Variants in KIRREL3 observed in about 807,000 individuals in gnomAD.
KIRREL3 encodes the protein kirre like nephrin family adhesion molecule 3, also known as kin of IRRE-like protein 3.
KIRREL3 carries 36 observed loss-of-function variants against 89.7 expected under a neutral mutation model. The ratio of observed to expected loss-of-function variants is 0.40; its 90% CI spans 0.31 to 0.53. The LOEUF (loss-of-function observed/expected upper bound fraction) is 0.53, where lower values mean the gene tolerates loss of function less well. Among genes scored for constraint, KIRREL3 ranks in the 20% least tolerant of loss-of-function variants. The pLI is 0.49. For synonymous variants in KIRREL3, 445 were observed against 441.4 expected, an observed-to-expected ratio of 1.01 and a Z score of -0.10; for missense variants, 864 against 1,056.6, an observed-to-expected ratio of 0.82 and a Z score of 2.53.
In KIRREL3 at chr11:126,455,943, G is replaced by T. The variant is rs1189448006; in HGVS notation, c.848+406C>A. 6.6e-6 allele frequency among the ~76,000 whole-genome samples: 1 copy of T among 151,586 alleles called. No individual in the cohort carries two copies. The highest frequency in any genetic ancestry group is 1.5e-5 in the Non-Finnish European group (1 of 67,952). ...GACTGGGCCGGGGCCCAGACATCCT[G>T]ATCTACCCAGGTGAACCAGTTTGAT... On this transcript the variant is annotated intron_variant, in intron 7 of 16. Coordinates refer to ENST00000525144, the MANE Select transcript of KIRREL3 (RefSeq NM_032531.4). The surrounding 1 kb of genome is among the most constrained non-coding windows in gnomAD (Gnocchi z 6.4).
Position 126,477,205 on chromosome 11 carries a change from ATC to A in KIRREL3, c.434-3741_434-3740del, listed in dbSNP as rs1284209191. ...GGGGCATTGATTATGAAAGAAACAC[ATC>A]ATCGCGGGATGCTGAGCTCTTTACA... On this transcript the variant is annotated intron_variant, in intron 4 of 16. Transcript: ENST00000525144. This position sits in a 1 kb window ranked among gnomAD's most constrained non-coding sequence, Gnocchi z 4.8. 6.6e-6 allele frequency among the ~76,000 whole-genome samples: 1 copy of A among 152,206 alleles called. No individual in the cohort carries two copies. The highest frequency in any genetic ancestry group is 2.4e-5 in the African/African-American group (1 of 41,446).
intron 4 of KIRREL3, among the ~76,000 whole-genome samples, chr11:126,503,917 G>A (rs1957942324): frequency 1.3e-5 from 2 of 151,684 alleles, no homozygotes; most frequent in Admixed American, 6.6e-5. Context: ...AAACTTCCAG[G>A]CTCCAGACAC....
chr11:126,766,265 A>G lies in KIRREL3; in HGVS notation c.56-203353T>C, dbSNP rs925616967. Among the ~76,000 whole-genome samples the G allele has an allele frequency of 6.6e-6, 1 of 151,986 alleles. No homozygotes were observed. The highest frequency in any genetic ancestry group is 1.5e-5 in the Non-Finnish European group (1 of 68,012). On this transcript the variant is annotated intron_variant, in intron 1 of 16. Coordinates refer to ENST00000525144, the MANE Select transcript of KIRREL3 (RefSeq NM_032531.4). This position sits in a 1 kb window ranked among gnomAD's most constrained non-coding sequence, Gnocchi z 4.2. ...ACAGTAGGAGCCCATAACAGACAGC[A>G]TGTCATCCATTCCTGACAGCCTTGG...
intron 1 of KIRREL3, among the ~76,000 whole-genome samples, chr11:126,818,315 A>C (rs1951650567): frequency 6.6e-6 from 1 of 152,150 alleles, no homozygotes; most frequent in Non-Finnish European, 1.5e-5. Context: ...AGAGTGAAGA[A>C]AGTAAGTGAT....
In KIRREL3 at chr11:126,562,994, A is replaced by G; in HGVS notation, c.56-82T>C. 1.1e-6 allele frequency: 1 copy of G among 934,542 alleles called. No homozygotes were observed. Among genetic ancestry groups the G allele is most frequent in the Non-Finnish European group, 1.7e-6 (1 of 596,666 alleles). The allele number at this position is 934,542 out of a possible 1,614,324, so 57.9% of individuals were successfully genotyped here. On this transcript the variant is annotated intron_variant, in intron 1 of 16. Transcript: ENST00000525144. This position sits in a 1 kb window ranked among gnomAD's most constrained non-coding sequence, Gnocchi z 4.7. ...GGGGGCCCTCTGCAGGGGGCTGTGGAGCTTGTTGCTCTTATAAACAGAGGT... is the reference window on the plus strand; with the variant it reads ...GGGGGCCCTCTGCAGGGGGCTGTGGGGCTTGTTGCTCTTATAAACAGAGGT...
At chr11:126,957,160 G>T (rs1037126317) in intron 1 of KIRREL3, among the ~76,000 whole-genome samples, 3 of 152,096 alleles carry the variant, frequency 2.0e-5, no homozygotes, top group Admixed American at 6.6e-5. Context: ...ATGAAAGCTG[G>T]CCTTCCAACT....
At position 126,766,121 on chromosome 11, in the gene KIRREL3, C is replaced by A. The variant is rs550153654; in HGVS notation, c.56-203209G>T. On this transcript the variant is annotated intron_variant, in intron 1 of 16. Coordinates refer to ENST00000525144, the MANE Select transcript of KIRREL3 (RefSeq NM_032531.4). The surrounding 1 kb of genome is among the most constrained non-coding windows in gnomAD (Gnocchi z 4.2). ...GATGGTATCTAGTATCGTTTCATCG[C>A]TAATGTTGTGAGTGAGCTAGAACAA... Among the ~76,000 whole-genome samples the A allele has an allele frequency of 3.3e-5, 5 of 152,016 alleles. No individual in the cohort carries two copies. The highest frequency in any genetic ancestry group is 1.2e-4 in the African/African-American group (5 of 41,466).
intron 1 of KIRREL3, among the ~76,000 whole-genome samples, chr11:126,786,180 T>C (rs1453537083): frequency 6.6e-6 from 1 of 152,134 alleles, no homozygotes; most frequent in Non-Finnish European, 1.5e-5. Flanking sequence ...GAGAATTACA[T>C]AATATGAAAA....
Position 126,955,173 on chromosome 11 carries a change from G to T in KIRREL3, c.55+45282C>A, listed in dbSNP as rs1265724066. Among the ~76,000 whole-genome samples, 1 of 152,178 alleles carries T rather than the reference G, an allele frequency of 6.6e-6. No individual in the cohort carries two copies. Among genetic ancestry groups the T allele is most frequent in the Non-Finnish European group, 1.5e-5 (1 of 68,030 alleles). ...CAGTAGGTTTCAAGCATGAATTAGGGGAAGGGGCCAACAGGGTAACGTGGT... is the reference window on the plus strand; with the variant it reads ...CAGTAGGTTTCAAGCATGAATTAGGTGAAGGGGCCAACAGGGTAACGTGGT... On this transcript the variant is annotated intron_variant, in intron 1 of 16. Transcript: ENST00000525144. This position sits in a 1 kb window ranked among gnomAD's most constrained non-coding sequence, Gnocchi z 4.6.
intron 10 of KIRREL3, among the ~76,000 whole-genome samples, chr11:126,442,269 A>C (rs1565454048): frequency 2.0e-5 from 2 of 101,090 alleles, no homozygotes; most frequent in East Asian, 5.1e-4. Flanking sequence ...TCAAAAAAAA[A>C]AAACAAAAAA....
rs113065543 is a variant in KIRREL3 at position 126,761,497 on chromosome 11, A to G, written c.56-198585T>C. 0.012 allele frequency among the ~76,000 whole-genome samples: 1,767 copies of G among 152,358 alleles called. 31 individuals are homozygous for G. Among genetic ancestry groups the G allele is most frequent in the African/African-American group, 0.04 (1,673 of 41,580 alleles). ...GCCCTGCTCCTTTCTCTTTCAAGGC[A>G]TGGTTAACAGTTGACAGTGCAATGT... is the stretch of plus-strand genomic sequence containing the variant. On this transcript the variant is annotated intron_variant, in intron 1 of 16. Transcript: ENST00000525144. The surrounding 1 kb of genome is among the most constrained non-coding windows in gnomAD (Gnocchi z 4.4).
At chr11:126,861,556 G>A (rs920326039) in intron 1 of KIRREL3, among the ~76,000 whole-genome samples, 5 of 152,184 alleles carry the variant, frequency 3.3e-5, no homozygotes, top group African/African-American at 1.2e-4. Context: ...GTGGGGAATG[G>A]ATCTGAGTGT....
chr11:126,713,084 A>T (rs1419934750), intron 1 of KIRREL3, among the ~76,000 whole-genome samples: 3 of 152,304 alleles, frequency 2.0e-5, no homozygotes, highest in Middle Eastern at 6.8e-3. Flanking sequence ...AGTGTGAGAA[A>T]CCTGAAACTG....
Position 127,000,561 on chromosome 11 carries a change from T to A in KIRREL3, c.-52A>T. 1 of 1,564,670 alleles carries A rather than the reference T, an allele frequency of 6.4e-7. No individual in the cohort carries two copies. Among genetic ancestry groups the A allele is most frequent in the Non-Finnish European group, 8.7e-7 (1 of 1,153,880 alleles). On this transcript the variant is annotated 5_prime_UTR_variant, in exon 1 of 17. Coordinates refer to ENST00000525144, the MANE Select transcript of KIRREL3 (RefSeq NM_032531.4). The surrounding 1 kb of genome is among the most constrained non-coding windows in gnomAD (Gnocchi z 7.1). ...CGGGGTAACTTGGCTGTGGTTAGTTTCTCTTCCTTGGCGGCTCTCGGTGCT... is the reference window on the plus strand; with the variant it reads ...CGGGGTAACTTGGCTGTGGTTAGTTACTCTTCCTTGGCGGCTCTCGGTGCT...
At chr11:126,945,832 T>G (rs1948606933) in intron 1 of KIRREL3, among the ~76,000 whole-genome samples, 2 of 152,350 alleles carry the variant, frequency 1.3e-5, no homozygotes, top group South Asian at 4.1e-4. Flanking sequence ...AGAGTTGCCC[T>G]GTTGGAATTA....
Position 126,515,204 on chromosome 11 carries a change from T to C in KIRREL3, c.433+6111A>G, listed in dbSNP as rs1377739861. Reference sequence around the variant, plus strand: ...TAGGAGGCTGAGTTGGGTGGATCCCTTGAGCCCAGAAGTTCAAGACAAGCA... The same window carrying C: ...TAGGAGGCTGAGTTGGGTGGATCCCCTGAGCCCAGAAGTTCAAGACAAGCA... On this transcript the variant is annotated intron_variant, in intron 4 of 16. Coordinates refer to ENST00000525144, the MANE Select transcript of KIRREL3 (RefSeq NM_032531.4). This position sits in a 1 kb window ranked among gnomAD's most constrained non-coding sequence, Gnocchi z 4.2. Among the ~76,000 whole-genome samples the C allele has an allele frequency of 6.6e-6, 1 of 152,200 alleles. No individual in the cohort carries two copies. The highest frequency in any genetic ancestry group is 1.5e-5 in the Non-Finnish European group (1 of 68,040).
Position 126,486,404 on chromosome 11 carries a change from G to A in KIRREL3, c.434-12938C>T, listed in dbSNP as rs539328245. Among the ~76,000 whole-genome samples the A allele has an allele frequency of 6.6e-6, 1 of 152,208 alleles. No individual in the cohort carries two copies. The highest frequency in any genetic ancestry group is 1.5e-5 in the Non-Finnish European group (1 of 68,030). The stretch of plus-strand genomic sequence containing the variant: ...ACCCTCCCAGTCCTGCGGAGCGAGA[G>A]ACTTTCTCCTTTCTCCAGCCCAGCT... On this transcript the variant is annotated intron_variant, in intron 4 of 16. Transcript: ENST00000525144. This position sits in a 1 kb window ranked among gnomAD's most constrained non-coding sequence, Gnocchi z 6.2.
In KIRREL3 at chr11:126,571,687, A is replaced by G. The variant is rs1565560854; in HGVS notation, c.56-8775T>C. 6.6e-6 allele frequency among the ~76,000 whole-genome samples: 1 copy of G among 152,214 alleles called. No homozygotes were observed. Among genetic ancestry groups the G allele is most frequent in the African/African-American group, 2.4e-5 (1 of 41,454 alleles). On this transcript the variant is annotated intron_variant, in intron 1 of 16. Transcript: ENST00000525144. The surrounding 1 kb of genome is among the most constrained non-coding windows in gnomAD (Gnocchi z 7.7). ...ACTTCCCCAAGGTCACATTGCTAGTAAGTGCTGAGGTTAGTAAAGCTAATC... is the reference window on the plus strand; with the variant it reads ...ACTTCCCCAAGGTCACATTGCTAGTGAGTGCTGAGGTTAGTAAAGCTAATC...
intron 4 of KIRREL3, among the ~76,000 whole-genome samples, chr11:126,517,441 C>A (rs573113392): frequency 6.6e-6 from 1 of 152,240 alleles, no homozygotes; most frequent in Non-Finnish European, 1.5e-5. Flanking sequence ...TGAAGCCCAA[C>A]CAAACTGAGT....
Sources: gnomAD v4.1 joint callset for allele counts (sites outside exome capture counted in the v4.1 genomes callset) on GRCh38, gnomAD v4.1.1 for gene constraint, Gnocchi (gnomAD v3.1) non-coding constraint, MANE v1.5 for transcripts, NCBI Gene and HGNC (gene_info 2026-07-23, HGNC 2026-07-21) for gene names.